ATRX: variants seen among roughly 807,000 people sequenced by gnomAD.
The protein encoded by ATRX is ATRX chromatin remodeler, also known as chromatin remodeler ATRX.
A neutral mutation model predicts 172.6 loss-of-function variants in ATRX; 12 were observed. The observed-to-expected ratio is 0.07, with a 90% confidence interval of 0.04 to 0.11. The LOEUF (loss-of-function observed/expected upper bound fraction) is 0.11. Among genes scored for constraint, ATRX ranks in the 10% least tolerant of loss-of-function variants. ATRX has a pLI of 1.00. For synonymous variants in ATRX, 674 were observed against 594.7 expected (o/e 1.13, Z -1.94); for missense variants, 1,368 against 1,767.4 (o/e 0.77, Z 4.05).
intron 34 of ATRX, among the ~76,000 whole-genome samples, chrX:77,511,434 C>G (rs1325054881): frequency 2.7e-5 from 3 of 111,393 alleles, no homozygotes; most frequent in African/African-American, 9.8e-5. Flanking sequence ...CAAGACCATC[C>G]AGGAAACACG....
At position 77,652,278 on chromosome X, in the gene ATRX, C is replaced by A. The variant is rs1557117315; in HGVS notation, c.4393G>T (p.Asp1465Tyr). Residue 1465 changes from aspartate (D) to tyrosine (Y), a missense_variant, in exon 15 of 35, where the codon GAT becomes TAT. Around this residue, in one of 17 missense-constraint regions of ATRX, gnomAD observed 119 missense variants for 131.3 expected, o/e 0.91. Transcript: ENST00000373344. ...EEEEEEEEEE[D>Y]ENDDSKSPGK... ...GGAGACTTGGAATCATCATTTTCAT[C>A]TTCCTCCTCCTCTTCCTCCTCCTCC... 1 of 1,209,313 alleles carries A rather than the reference C, an allele frequency of 8.3e-7. No homozygotes were observed. The highest frequency in any genetic ancestry group is 1.1e-6 in the Non-Finnish European group (1 of 895,122).
At chrX:77,606,857 C>T (rs543992744) in intron 22 of ATRX, among the ~76,000 whole-genome samples, 136 of 110,645 alleles carry the variant, frequency 1.2e-3, no homozygotes, top group Middle Eastern at 4.7e-3. Flanking sequence ...TGTGATACAT[C>T]GTTATGAACA....
At chrX:77,529,183 G>C (rs981045804) in intron 30 of ATRX, among the ~76,000 whole-genome samples, 1 of 111,758 alleles carries the variant, frequency 8.9e-6, no homozygotes, top group Admixed American at 9.5e-5. Context: ...CGACTGACTG[G>C]GGTCCCTAAA....
intron 1 of ATRX, among the ~76,000 whole-genome samples, chrX:77,761,264 G>A (rs553289949): frequency 5.4e-5 from 6 of 111,633 alleles, no homozygotes; most frequent in African/African-American, 1.9e-4. Context: ...ATGGCCAGGC[G>A]CAGTGGCTCA....
At chrX:77,769,092 G>A (rs1353963713) in intron 1 of ATRX, among the ~76,000 whole-genome samples, 2 of 111,325 alleles carry the variant, frequency 1.8e-5, no homozygotes, top group African/African-American at 6.5e-5. Context: ...AGCTACTCAA[G>A]ATGCTAAGGC....
At chrX:77,542,029 T>C (rs1389213620) in intron 30 of ATRX, among the ~76,000 whole-genome samples, 1 of 111,471 alleles carries the variant, frequency 9.0e-6, no homozygotes, top group African/African-American at 3.3e-5. Context: ...AGTCAAATTG[T>C]CTGTTTGCAG....
intron 15 of ATRX, among the ~76,000 whole-genome samples, chrX:77,645,996 G>A (rs1383224434): frequency 9.0e-6 from 1 of 111,617 alleles, no homozygotes; most frequent in African/African-American, 3.3e-5. Context: ...ATCAAAATAT[G>A]TCACTGCAAA....
chrX:77,717,384 T>C, intron 1 of ATRX, 141 bp from the exon 2 acceptor site: 3 of 503,207 alleles, frequency 6.0e-6, no homozygotes, highest in South Asian at 5.9e-5. Context: ...CTAAGGGAAA[T>C]GTTACAGTTG....
intron 1 of ATRX, among the ~76,000 whole-genome samples, chrX:77,738,713 G>A (rs782546968): frequency 5.6e-5 from 6 of 107,883 alleles, no homozygotes; most frequent in Non-Finnish European, 9.6e-5. Flanking sequence ...ACAGGTATGC[G>A]CCCCAACGCC....
At chrX:77,578,676 A>G (rs1231306701) in intron 27 of ATRX, among the ~76,000 whole-genome samples, 2 of 112,175 alleles carry the variant, frequency 1.8e-5, no homozygotes, top group African/African-American at 6.5e-5. Flanking sequence ...GATTAGACAG[A>G]AATGTGTTAG....
chrX:77,530,697 G>A (rs1557046057), intron 30 of ATRX, among the ~76,000 whole-genome samples: 1 of 110,196 alleles, frequency 9.1e-6, no homozygotes, highest in East Asian at 2.9e-4. Flanking sequence ...AAGAACTAGA[G>A]AACCAAGAGC....
intron 6 of ATRX, among the ~76,000 whole-genome samples, chrX:77,689,427 T>C (rs1341677876): frequency 1.8e-5 from 2 of 112,556 alleles, no homozygotes; most frequent in Non-Finnish European, 3.8e-5. Context: ...ATATTACCAA[T>C]TTCCTTGCTA....
At chrX:77,559,373 GA>G (rs45489892) in intron 28 of ATRX, among the ~76,000 whole-genome samples, 9 of 56,754 alleles carry the variant, frequency 1.6e-4, no homozygotes, top group East Asian at 6.8e-4. Context: ...GGTGTCTAAA[GA>G]AAAAAAAAAA....
intron 1 of ATRX, among the ~76,000 whole-genome samples, chrX:77,723,657 C>G (rs782609263): frequency 9.0e-6 from 1 of 111,323 alleles, no homozygotes; most frequent in African/African-American, 3.3e-5. Flanking sequence ...TAATCGTGCT[C>G]AGATAGAAAA....
At chrX:77,664,967 T>C (rs1414578264) in intron 10 of ATRX, among the ~76,000 whole-genome samples, 189 bp from the exon 11 acceptor site, 1 of 112,516 alleles carries the variant, frequency 8.9e-6, no homozygotes, top group Non-Finnish European at 1.9e-5. Flanking sequence ...AAAAATGTTC[T>C]TTACACTTAT....
chrX:77,740,853 C>T (rs2074831115), intron 1 of ATRX, among the ~76,000 whole-genome samples: 2 of 110,767 alleles, frequency 1.8e-5, no homozygotes, highest in African/African-American at 6.6e-5. Context: ...CAGTGAATCA[C>T]GCCTATAATC....
intron 19 of ATRX, 89 bp downstream of exon 19, chrX:77,633,114 ATACT>A: frequency 1.1e-6 from 1 of 913,793 alleles, no homozygotes; most frequent in Non-Finnish European, 1.6e-6. Flanking sequence ...CAAAGACCAG[ATACT>A]TAGTAGCTGT....
At chrX:77,735,099 A>T (rs939926276) in intron 1 of ATRX, among the ~76,000 whole-genome samples, 3 of 110,871 alleles carry the variant, frequency 2.7e-5, no homozygotes, top group African/African-American at 6.5e-5. Context: ...CTCAAAAAAA[A>T]ATAAAATAAA....
chrX:77,687,370 G>A (rs2071638821), intron 7 of ATRX, among the ~76,000 whole-genome samples: 2 of 110,752 alleles, frequency 1.8e-5, no homozygotes, highest in African/African-American at 3.3e-5. Context: ...TGCAAGGTAG[G>A]ACATATTATG....
Sources: gnomAD v4.1 joint callset for allele counts (sites outside exome capture counted in the v4.1 genomes callset) on GRCh38, gnomAD v4.1.1 for gene constraint, gnomAD v4.1.1 regional missense constraint, MANE v1.5 for transcripts, NCBI Gene and HGNC (gene_info 2026-07-23, HGNC 2026-07-21) for gene names.